The following FXR1 variants were observed in gnomAD, a reference collection of about 807,000 sequenced individuals.
FXR1 encodes FMR1 autosomal homolog 1.
FXR1 carries 15 observed loss-of-function variants against 84.0 expected under a neutral mutation model. The ratio of observed to expected loss-of-function variants is 0.18; its 90% CI spans 0.12 to 0.27. The LOEUF (loss-of-function observed/expected upper bound fraction) is 0.27. Among genes scored for constraint, FXR1 ranks in the 10% least tolerant of loss-of-function variants. The probability of loss-of-function intolerance (pLI) is 1.00; values close to 1 mark genes in which losing one functional copy is unlikely to be tolerated. For synonymous variants in FXR1, 245 were observed against 250.7 expected, an observed-to-expected ratio of 0.98 and a Z score of 0.21; for missense variants, 480 against 774.4, an observed-to-expected ratio of 0.62 and a Z score of 4.51.
chr3:180,944,507 T>TA (rs1423844385), intron 3 of FXR1, among the ~76,000 whole-genome samples: 1 of 151,840 alleles, frequency 6.6e-6, no homozygotes, highest in Non-Finnish European at 1.5e-5. Context: ...AAATTTTTTT[T>TA]ATAGAGACGA....
intron 3 of FXR1, among the ~76,000 whole-genome samples, chr3:180,944,794 T>G (rs1212257659): frequency 6.6e-6 from 1 of 152,190 alleles, no homozygotes; most frequent in Non-Finnish European, 1.5e-5. Flanking sequence ...GGCTAACTTT[T>G]GTATTTTGCA....
chr3:180,923,775 A>G (rs901831764), intron 1 of FXR1, among the ~76,000 whole-genome samples: 10 of 151,936 alleles, frequency 6.6e-5, no homozygotes, highest in African/African-American at 1.7e-4. Flanking sequence ...CGGTCTGTTG[A>G]TCTGTCTCCC....
chr3:180,934,989 C>T (rs1720354924), intron 2 of FXR1, 149 bp from the exon 3 acceptor site: 3 of 522,370 alleles, frequency 5.7e-6, no homozygotes, highest in Non-Finnish European at 1.0e-5. Context: ...ACTTCAGTAA[C>T]TAATTTCTTG....
chr3:180,915,256 C>G (rs1485243005), intron 1 of FXR1, among the ~76,000 whole-genome samples: 1 of 152,104 alleles, frequency 6.6e-6, no homozygotes, highest in Admixed American at 6.5e-5. Flanking sequence ...TGACAATTAT[C>G]AAGATTAACT....
intron 1 of FXR1, among the ~76,000 whole-genome samples, chr3:180,917,730 C>T (rs1718069994): frequency 6.6e-6 from 1 of 152,032 alleles, no homozygotes; most frequent in South Asian, 2.1e-4. Flanking sequence ...GCGTGGATCA[C>T]GAGGTCAGGA....
At chr3:180,966,818 T>C (rs772637501) in intron 13 of FXR1, among the ~76,000 whole-genome samples, 13 of 151,980 alleles carry the variant, frequency 8.6e-5, no homozygotes, top group Non-Finnish European at 1.8e-4. Context: ...GAAGGAGATA[T>C]ATTTGGTCAT....
At position 180,976,304 on chromosome 3, in the gene FXR1, T is replaced by C; in HGVS notation, c.*12T>C. The C allele has an allele frequency of 6.4e-7, 1 of 1,552,006 alleles. No individual in the cohort carries two copies. ...ATGGTGTTTCATAAACTGAAGAAGT[T>C]CCTAGTTTACAGTTCTTTTACATTA... On this transcript the variant is annotated 3_prime_UTR_variant, in exon 17 of 17. Transcript: ENST00000357559.
chr3:180,940,427 ATCCCTCC>A (rs1344159951), intron 3 of FXR1, among the ~76,000 whole-genome samples: 2 of 152,110 alleles, frequency 1.3e-5, no homozygotes, highest in Admixed American at 6.5e-5. Flanking sequence ...CAGTAGAAAT[ATCCCTCC>A]TCCCTCATTT....
At position 180,971,970 on chromosome 3, in the gene FXR1, G is replaced by A. The variant is rs573041266; in HGVS notation, c.1603+1612G>A. Reference sequence around the variant, plus strand: ...CCCCAAATAAAGAATGTAAATTCTGGCATCTTTACTATTTTAAATTTAGTG... The same window carrying A: ...CCCCAAATAAAGAATGTAAATTCTGACATCTTTACTATTTTAAATTTAGTG... On this transcript the variant is annotated intron_variant, in intron 15 of 16. Transcript: ENST00000357559. 6.6e-5 allele frequency among the ~76,000 whole-genome samples: 10 copies of A among 152,212 alleles called. No individual in the cohort carries two copies. In the South Asian group the frequency reaches 1.9e-3, roughly 28 times the overall value.
chr3:180,917,837 C>T (rs1325751187), intron 1 of FXR1, among the ~76,000 whole-genome samples: 5 of 149,432 alleles, frequency 3.3e-5, no homozygotes, highest in Non-Finnish European at 7.4e-5. Context: ...GTCCCAGCTA[C>T]TTGGGAAGCT....
intron 3 of FXR1, among the ~76,000 whole-genome samples, chr3:180,944,611 G>A (rs2108460103): frequency 6.6e-6 from 1 of 152,272 alleles, no homozygotes; most frequent in Non-Finnish European, 1.5e-5. Context: ...ACAGGCATGA[G>A]CCACTGTGCC....
At chr3:180,912,873 T>G (rs114504511) in intron 1 of FXR1, 137 bp downstream of exon 1, 28,106 of 1,487,870 alleles carry the variant, frequency 0.019, 355 homozygotes, top group Middle Eastern at 0.032. Context: ...GATTCCTTGC[T>G]TCTCCCCCCT....
chr3:180,970,040 T>C (rs1344466249), intron 14 of FXR1, 118 bp from the exon 15 acceptor site: 3 of 524,330 alleles, frequency 5.7e-6, no homozygotes, highest in Non-Finnish European at 7.1e-6. Flanking sequence ...TTGAAGACAG[T>C]GCATTTTTAT....
rs188933563 is a variant in FXR1 at position 180,982,187 on chromosome 3, A to C, written c.*5895A>C. ...TCCTCACATGTAAAATGTACATCAT[A>C]ATAACTAGTCTACTGAGATAAGGGA... On this transcript the variant is annotated 3_prime_UTR_variant, in exon 17 of 17. Coordinates refer to ENST00000357559, the MANE Select transcript of FXR1 (RefSeq NM_005087.4). 2.7e-4 allele frequency: 41 copies of C among 152,200 alleles called. No individual in the cohort carries two copies. The highest frequency in any genetic ancestry group is 8.4e-4 in the African/African-American group (35 of 41,572). 9.4% of individuals were successfully genotyped at this position (152,200 alleles called of 1,614,324 possible). A position where few individuals can be genotyped will look rare whatever the true frequency, so the allele number is the denominator to read the frequency against.
chr3:180,926,512 T>TTC (rs1719239684), intron 1 of FXR1, among the ~76,000 whole-genome samples: 4 of 132,742 alleles, frequency 3.0e-5, no homozygotes, highest in Non-Finnish European at 5.0e-5. Context: ...ATATATTTTT[T>TTC]TTTCTGGCCT....
At chr3:180,967,181 C>G (rs1404443417) in intron 13 of FXR1, among the ~76,000 whole-genome samples, 1 of 151,736 alleles carries the variant, frequency 6.6e-6, no homozygotes, top group Non-Finnish European at 1.5e-5. Context: ...CAGTTTTTGC[C>G]ATTAAAAGTA....
chr3:180,961,316 G>A, intron 10 of FXR1, 152 bp from the exon 11 acceptor site: 3 of 537,118 alleles, frequency 5.6e-6, no homozygotes, highest in South Asian at 4.7e-5. Flanking sequence ...CTGTAGCCTG[G>A]GCAACAGAGC....
At chr3:180,944,737 C>T (rs1241850381) in intron 3 of FXR1, among the ~76,000 whole-genome samples, 1 of 152,194 alleles carries the variant, frequency 6.6e-6, no homozygotes, top group Admixed American at 6.5e-5. Context: ...TCCACCCTAC[C>T]CCAGGCCCCC....
chr3:180,949,156 A>G, intron 6 of FXR1, 71 bp from the exon 7 acceptor site: 1 of 823,352 alleles, frequency 1.2e-6, no homozygotes. Flanking sequence ...CTTTGCATAG[A>G]AGATGGGATG....
Sources: allele counts gnomAD v4.1 joint callset (sites outside exome capture counted in the v4.1 genomes callset), GRCh38; gene constraint gnomAD v4.1.1; transcripts MANE v1.5; gene names NCBI Gene and HGNC (gene_info 2026-07-23, HGNC 2026-07-21).